Variants in DPYD observed in about 807,000 individuals in gnomAD.
DPYD encodes dihydropyrimidine dehydrogenase [NADP(+)].
In DPYD, 109 loss-of-function variants were observed where a neutral mutation model predicts 116.2. That is an observed-to-expected ratio of 0.94 (90% CI 0.80 to 1.10). DPYD has a LOEUF of 1.10. DPYD is among the 50% of genes least tolerant of loss of function. DPYD has a pLI of 0.00. For synonymous variants in DPYD, 440 were observed against 432.0 expected (o/e 1.02, Z -0.23); for missense variants, 1,302 against 1,254.5 (o/e 1.04, Z -0.57).
intron 14 of DPYD, among the ~76,000 whole-genome samples, chr1:97,422,842 C>T (rs554681242): frequency 1.3e-5 from 2 of 152,174 alleles, no homozygotes; most frequent in South Asian, 2.1e-4. Flanking sequence ...AAACAAGATG[C>T]TATCCAAAAT....
chr1:97,193,266 G>A lies in DPYD; in HGVS notation c.2443-18C>T. On this transcript the variant is annotated intron_variant, in intron 19 of 22. Coordinates refer to ENST00000370192, the MANE Select transcript of DPYD (RefSeq NM_000110.4). ...CTGCATACCTAGAAAAGACAGAGCA[G>A]TCAACCAAGTGTCAAACCAAGAGAT... is the stretch of plus-strand genomic sequence containing the variant. The A allele has an allele frequency of 6.2e-7, 1 of 1,610,826 alleles. No individual in the cohort carries two copies. Among genetic ancestry groups the A allele is most frequent in the Non-Finnish European group, 8.5e-7 (1 of 1,178,152 alleles).
rs376597772 is a variant in DPYD, at chr1:97,691,827, C to A, written c.681-29G>T. On this transcript the variant is annotated intron_variant, in intron 6 of 22. Coordinates refer to ENST00000370192, the MANE Select transcript of DPYD (RefSeq NM_000110.4). ...AAAAGAAAGGAGAAAGAAAAACAGG[C>A]ATCAGTAGAAAAATGACCAATCTTT... 3.2e-4 allele frequency: 510 copies of A among 1,588,446 alleles called. 1 individual carries two copies. Among genetic ancestry groups the A allele is most frequent in the African/African-American group, 2.7e-3 (198 of 74,438 alleles).
At chr1:97,625,839 A>G (rs1656895968) in intron 8 of DPYD, among the ~76,000 whole-genome samples, 1 of 152,060 alleles carries the variant, frequency 6.6e-6, no homozygotes, top group African/African-American at 2.4e-5. Flanking sequence ...CAGCCCTGGC[A>G]ATCTAATACG....
intron 3 of DPYD, among the ~76,000 whole-genome samples, chr1:97,821,502 G>A (rs1347002233): frequency 6.6e-6 from 1 of 152,068 alleles, no homozygotes; most frequent in Non-Finnish European, 1.5e-5. Flanking sequence ...GAAAGAATAT[G>A]ATGAAAAGAA....
At chr1:97,300,353 T>A (rs1666788384) in intron 18 of DPYD, among the ~76,000 whole-genome samples, 1 of 152,186 alleles carries the variant, frequency 6.6e-6, no homozygotes, top group African/African-American at 2.4e-5. Context: ...TCGATCAAGA[T>A]GATTACAATA....
chr1:97,763,670 G>A (rs1490868547), intron 3 of DPYD, among the ~76,000 whole-genome samples: 1 of 151,984 alleles, frequency 6.6e-6, no homozygotes, highest in Non-Finnish European at 1.5e-5. Context: ...GATTAAAATA[G>A]TTCTTGCATA....
At chr1:97,195,610 ATATATGTATGTG>A (rs1319018298) in intron 19 of DPYD, among the ~76,000 whole-genome samples, 6 of 119,892 alleles carry the variant, frequency 5.0e-5, no homozygotes, top group Non-Finnish European at 1.0e-4. Context: ...GTGTGTGTAT[ATATATGTATGTG>A]TATATGTATG....
intron 13 of DPYD, among the ~76,000 whole-genome samples, chr1:97,493,855 T>G (rs1267885481): frequency 6.6e-6 from 1 of 152,186 alleles, no homozygotes; most frequent in Non-Finnish European, 1.5e-5. Flanking sequence ...TTCTATAATG[T>G]GATAAATCAC....
chr1:97,464,957 C>T (rs1677233578), intron 13 of DPYD, among the ~76,000 whole-genome samples: 1 of 152,148 alleles, frequency 6.6e-6, no homozygotes, highest in African/African-American at 2.4e-5. Context: ...GCTGCAGACA[C>T]TCAACACCAG....
intron 3 of DPYD, chr1:97,797,780 T>A (rs1667645809): frequency 6.6e-6 from 1 of 152,034 alleles, no homozygotes; most frequent in Admixed American, 6.6e-5. Flanking sequence ...AGAAAAAAAA[T>A]ATGAACCCTT....
chr1:97,128,821 T>C (rs1653049125), intron 20 of DPYD, among the ~76,000 whole-genome samples: 1 of 152,180 alleles, frequency 6.6e-6, no homozygotes, highest in Admixed American at 6.5e-5. Flanking sequence ...AAGATTAAAG[T>C]AAATATTTCC....
intron 20 of DPYD, among the ~76,000 whole-genome samples, chr1:97,158,411 AT>A (rs753853658): frequency 6.6e-6 from 1 of 150,430 alleles, no homozygotes; most frequent in Non-Finnish European, 1.5e-5. Context: ...ATTTTTGAAG[AT>A]TTCAACTTCT....
At chr1:97,147,886 C>G (rs908837058) in intron 20 of DPYD, among the ~76,000 whole-genome samples, 60 of 152,256 alleles carry the variant, frequency 3.9e-4, no homozygotes, top group African/African-American at 1.2e-3. Flanking sequence ...GTTTATACAA[C>G]TTGGTATAGC....
chr1:97,369,785 G>A (rs951204753), intron 16 of DPYD, among the ~76,000 whole-genome samples: 1 of 152,056 alleles, frequency 6.6e-6, no homozygotes, highest in African/African-American at 2.4e-5. Flanking sequence ...AAAGACCAAG[G>A]GTTCTATTCT....
intron 20 of DPYD, among the ~76,000 whole-genome samples, chr1:97,144,013 C>T (rs1654430839): frequency 6.6e-6 from 1 of 152,268 alleles, no homozygotes; most frequent in African/African-American, 2.4e-5. Flanking sequence ...ATTCTCTGGT[C>T]ATCAAACCCT....
At chr1:97,251,441 T>C (rs1191283819) in intron 18 of DPYD, among the ~76,000 whole-genome samples, 2 of 149,746 alleles carry the variant, frequency 1.3e-5, no homozygotes, top group Non-Finnish European at 3.0e-5. Flanking sequence ...AAAATGAATC[T>C]GTGAGCTTAT....
At chr1:97,108,087 A>C (rs1651302733) in intron 20 of DPYD, among the ~76,000 whole-genome samples, 1 of 152,168 alleles carries the variant, frequency 6.6e-6, no homozygotes, top group African/African-American at 2.4e-5. Flanking sequence ...GAAATACCAT[A>C]GAGCTGCTGA....
At chr1:97,459,681 G>GA (rs200028520) in intron 13 of DPYD, among the ~76,000 whole-genome samples, 2,591 of 152,036 alleles carry the variant, frequency 0.017, 36 homozygotes, top group Non-Finnish European at 0.026. Flanking sequence ...CAAGGATAAA[G>GA]AAAAAATGAA....
At chr1:97,243,391 C>T (rs1306199397) in intron 18 of DPYD, among the ~76,000 whole-genome samples, 8 of 151,876 alleles carry the variant, frequency 5.3e-5, no homozygotes. Flanking sequence ...GGTCACATTA[C>T]TATGAAATAG....
Sources: gnomAD v4.1 joint callset for allele counts (sites outside exome capture counted in the v4.1 genomes callset) on GRCh38, gnomAD v4.1.1 for gene constraint, MANE v1.5 for transcripts, NCBI Gene and HGNC (gene_info 2026-07-23, HGNC 2026-07-21) for gene names.